Variants in GDAP2 observed in about 807,000 individuals in gnomAD.
GDAP2 encodes ganglioside-induced differentiation-associated protein 2.
Under a neutral mutation model 67.0 loss-of-function variants are expected in GDAP2, and 51 were observed. That is an observed-to-expected ratio of 0.76 (90% confidence interval 0.61 to 0.96). GDAP2 has a LOEUF of 0.96. Among genes scored for constraint, GDAP2 ranks in the 40% least tolerant of loss-of-function variants. The pLI is 0.00. For synonymous variants in GDAP2, 203 were observed against 207.3 expected (o/e 0.98, Z 0.18); for missense variants, 547 against 588.3 (o/e 0.93, Z 0.73).
Position 117,869,450 on chromosome 1 carries a change from C to T in GDAP2, c.*1119G>A, listed in dbSNP as rs1325441752. The T allele has an allele frequency of 2.6e-5, 4 of 152,192 alleles. No homozygotes were observed. The highest frequency in any genetic ancestry group is 4.2e-4 in the South Asian group (2 of 4,804). 9.4% of individuals were successfully genotyped at this position (152,192 alleles called of 1,614,324 possible). ...ACAAGAGGAGTGCTGTGTAGCATTC[C>T]CTCATATATATTTATTCCCATTTAA... On this transcript the variant is annotated 3_prime_UTR_variant, in exon 14 of 14. Coordinates refer to ENST00000369443, the MANE Select transcript of GDAP2 (RefSeq NM_017686.4).
At chr1:117,900,705 G>T (rs915082613) in intron 6 of GDAP2, among the ~76,000 whole-genome samples, 1 of 151,178 alleles carries the variant, frequency 6.6e-6, no homozygotes, top group Non-Finnish European at 1.5e-5. Flanking sequence ...GGTGGAGGTT[G>T]CAGTGAGCGA....
intron 1 of GDAP2, among the ~76,000 whole-genome samples, chr1:117,922,629 C>A (rs921342685): frequency 9.9e-5 from 15 of 152,118 alleles, no homozygotes; most frequent in African/African-American, 2.7e-4. Context: ...ATGATGCCCC[C>A]CAAGCCACAA....
intron 13 of GDAP2, among the ~76,000 whole-genome samples, chr1:117,876,945 T>C (rs1392017375): frequency 6.6e-6 from 1 of 152,210 alleles, no homozygotes; most frequent in Non-Finnish European, 1.5e-5. Flanking sequence ...CTATCCATTT[T>C]TTTAAGCATT....
intron 6 of GDAP2, among the ~76,000 whole-genome samples, chr1:117,902,059 G>A (rs1315557723): frequency 1.3e-5 from 2 of 152,186 alleles, no homozygotes; most frequent in African/African-American, 4.8e-5. Context: ...TCCTGCTTCT[G>A]CCTCCTGACT....
At chr1:117,922,791 G>A (rs1396750958) in intron 1 of GDAP2, among the ~76,000 whole-genome samples, 1 of 152,216 alleles carries the variant, frequency 6.6e-6, no homozygotes, top group Non-Finnish European at 1.5e-5. Flanking sequence ...TCCATGTCCC[G>A]CTGTGCACGC....
chr1:117,868,442 A>G lies in GDAP2; in HGVS notation c.*2127T>C, dbSNP rs1031574334. On this transcript the variant is annotated 3_prime_UTR_variant, in exon 14 of 14. Coordinates refer to ENST00000369443, the MANE Select transcript of GDAP2 (RefSeq NM_017686.4). The stretch of plus-strand genomic sequence containing the variant: ...TATGTAGAATCCTGCTTGTGTTACT[A>G]AACATTAATATACTGGTATGAATAT... 3 of 152,196 alleles carry G rather than the reference A, an allele frequency of 2.0e-5. No individual in the cohort carries two copies. The highest frequency in any genetic ancestry group is 1.9e-4 in the East Asian group (1 of 5,192). 9.4% of individuals were successfully genotyped at this position (152,196 alleles called of 1,614,324 possible). A position where few individuals can be genotyped will look rare whatever the true frequency, so the allele number is the denominator to read the frequency against.
intron 8 of GDAP2, among the ~76,000 whole-genome samples, chr1:117,890,768 T>C (rs190582265): frequency 6.6e-6 from 1 of 152,274 alleles, no homozygotes; most frequent in East Asian, 1.9e-4. Context: ...TTTTTGTTTG[T>C]TTCTAACTAT....
intron 13 of GDAP2, 120 bp from the exon 14 acceptor site, chr1:117,870,736 C>T: frequency 1.3e-6 from 1 of 743,684 alleles, no homozygotes; most frequent in East Asian, 2.6e-5. Flanking sequence ...ACATGTCTGG[C>T]ACTAAGCAGG....
intron 8 of GDAP2, among the ~76,000 whole-genome samples, chr1:117,894,156 T>C (rs987845693): frequency 2.6e-4 from 39 of 152,088 alleles, no homozygotes; most frequent in African/African-American, 8.4e-4. Context: ...TTTTTTTTTT[T>C]TGAGACAGGG....
At chr1:117,913,401 A>ATTTTTT (rs74388227) in intron 3 of GDAP2, 61 of 142,666 alleles carry the variant, frequency 4.3e-4, no homozygotes, top group African/African-American at 1.5e-3. Flanking sequence ...TAAGGTGATG[A>ATTTTTT]TTTTTTTTTT....
intron 2 of GDAP2, among the ~76,000 whole-genome samples, chr1:117,919,499 T>G (rs187963774): frequency 1.3e-5 from 2 of 152,182 alleles, no homozygotes; most frequent in Non-Finnish European, 2.9e-5. Flanking sequence ...ATGTTCAGAA[T>G]TGGCAAATCT....
At chr1:117,916,496 G>C (rs1449283032) in intron 3 of GDAP2, among the ~76,000 whole-genome samples, 1 of 152,138 alleles carries the variant, frequency 6.6e-6, no homozygotes, top group Non-Finnish European at 1.5e-5. Flanking sequence ...AACAATAAGG[G>C]GTTTACACTT....
chr1:117,887,331 G>A (rs541694529), intron 9 of GDAP2, among the ~76,000 whole-genome samples: 29 of 152,160 alleles, frequency 1.9e-4, no homozygotes, highest in Non-Finnish European at 2.9e-4. Context: ...AAAAAGTACC[G>A]TCTGTAAAAG....
At chr1:117,924,044 G>A (rs1390715799) in intron 1 of GDAP2, among the ~76,000 whole-genome samples, 1 of 152,208 alleles carries the variant, frequency 6.6e-6, no homozygotes, top group African/African-American at 2.4e-5. Context: ...CTTGTTAGTA[G>A]TCAGTTCTGG....
At chr1:117,912,784 A>C in intron 3 of GDAP2, 101 bp from the exon 4 acceptor site, 1 of 1,008,716 alleles carries the variant, frequency 9.9e-7, no homozygotes, top group Non-Finnish European at 1.5e-6. Flanking sequence ...AACTTTGAGA[A>C]ATTTCAGTTA....
At chr1:117,916,979 A>G (rs1650067565) in intron 3 of GDAP2, among the ~76,000 whole-genome samples, 1 of 151,758 alleles carries the variant, frequency 6.6e-6, no homozygotes, top group Non-Finnish European at 1.5e-5. Context: ...GGTTGTGGTG[A>G]GCCAAGATCA....
intron 8 of GDAP2, among the ~76,000 whole-genome samples, chr1:117,893,718 A>G (rs972701111): frequency 3.9e-5 from 6 of 152,232 alleles, no homozygotes; most frequent in Non-Finnish European, 7.3e-5. Context: ...GCTTAGTTAT[A>G]TCATAAACTC....
At chr1:117,884,066 C>T (rs913937109) in intron 10 of GDAP2, among the ~76,000 whole-genome samples, 6 of 152,140 alleles carry the variant, frequency 3.9e-5, no homozygotes, top group Non-Finnish European at 7.4e-5. Flanking sequence ...GCAGTCTCTA[C>T]TCAGAAATAG....
rs879855146 is a variant in GDAP2, at chr1:117,867,775, G to A, written c.*2794C>T. 10 of 151,876 alleles carry A rather than the reference G, an allele frequency of 6.6e-5. No individual in the cohort carries two copies. The highest frequency in any genetic ancestry group is 2.6e-4 in the Admixed American group (4 of 15,224). The allele number at this position is 151,876 out of a possible 1,614,324, so 9.4% of individuals were successfully genotyped here. A position where few individuals can be genotyped will look rare whatever the true frequency, so the allele number is the denominator to read the frequency against. ...CATAATATACATTAAAGGAGAAAACGTCTTTAAAATATGTACCATTTGCCC... is the reference window on the plus strand; with the variant it reads ...CATAATATACATTAAAGGAGAAAACATCTTTAAAATATGTACCATTTGCCC... On this transcript the variant is annotated 3_prime_UTR_variant, in exon 14 of 14. Coordinates refer to ENST00000369443, the MANE Select transcript of GDAP2 (RefSeq NM_017686.4).
Sources: allele counts gnomAD v4.1 joint callset (sites outside exome capture counted in the v4.1 genomes callset), GRCh38; gene constraint gnomAD v4.1.1; transcripts MANE v1.5; gene names NCBI Gene and HGNC (gene_info 2026-07-23, HGNC 2026-07-21).